NREP: variants seen among roughly 807,000 people sequenced by gnomAD.
NREP encodes neuronal regeneration related protein.
In NREP, 5 loss-of-function variants were observed where a neutral mutation model predicts 8.6. The observed-to-expected ratio is 0.58, with a 90% CI of 0.30 to 1.22. The LOEUF (loss-of-function observed/expected upper bound fraction) is 1.22, where lower values mean the gene tolerates loss of function less well. Ranked by LOEUF, NREP falls within the 50% of genes most tolerant of loss-of-function variation. The pLI is 0.07. For synonymous variants in NREP, 27 were observed against 28.0 expected, an observed-to-expected ratio of 0.96 and a Z score of 0.11; for missense variants, 86 against 82.5, an observed-to-expected ratio of 1.04 and a Z score of -0.17.
At chr5:111,913,617 G>A (rs1422607404) in intron 2 of NREP, among the ~76,000 whole-genome samples, 1 of 152,062 alleles carries the variant, frequency 6.6e-6, no homozygotes, top group East Asian at 1.9e-4. Flanking sequence ...AAAGATAAAA[G>A]GAGGAACTAA....
chr5:111,929,133 G>A (rs1252725019), intron 2 of NREP, among the ~76,000 whole-genome samples: 1 of 152,020 alleles, frequency 6.6e-6, no homozygotes, highest in Non-Finnish European at 1.5e-5. Flanking sequence ...GGTACTAATA[G>A]TTTAGATTAC....
intron 2 of NREP, among the ~76,000 whole-genome samples, chr5:111,839,547 C>T (rs1434750108): frequency 5.9e-5 from 9 of 152,128 alleles, no homozygotes; most frequent in East Asian, 1.9e-4. Flanking sequence ...ACTAAAATGA[C>T]GTATTTTTCT....
intron 2 of NREP, among the ~76,000 whole-genome samples, chr5:111,935,143 T>C (rs1361445206): frequency 6.6e-6 from 1 of 152,056 alleles, no homozygotes; most frequent in Non-Finnish European, 1.5e-5. Flanking sequence ...TTCCCCACTG[T>C]CTCCTTTGAT....
intron 2 of NREP, among the ~76,000 whole-genome samples, chr5:111,890,304 C>T (rs1470292760): frequency 6.6e-6 from 1 of 152,240 alleles, no homozygotes; most frequent in African/African-American, 2.4e-5. Flanking sequence ...TTGGGCAGCT[C>T]TGCCCCTATG....
intron 2 of NREP, among the ~76,000 whole-genome samples, chr5:111,753,214 C>T (rs1750476238): frequency 6.6e-6 from 1 of 151,620 alleles, no homozygotes; most frequent in African/African-American, 2.4e-5. Context: ...AGTTGCACAA[C>T]CCTAGGTGCC....
intron 2 of NREP, among the ~76,000 whole-genome samples, chr5:111,910,878 T>C (rs988590827): frequency 3.3e-5 from 5 of 152,236 alleles, no homozygotes; most frequent in Middle Eastern, 3.4e-3. Flanking sequence ...ATAGCTGCTA[T>C]TGTGACTCCT....
intron 2 of NREP, among the ~76,000 whole-genome samples, chr5:111,754,273 A>C (rs1249151798): frequency 6.6e-6 from 1 of 152,202 alleles, no homozygotes; most frequent in African/African-American, 2.4e-5. Flanking sequence ...ACCTTCTACA[A>C]AGCTCATTCT....
chr5:111,817,642 A>C (rs1053627817), intron 2 of NREP, among the ~76,000 whole-genome samples: 27 of 151,852 alleles, frequency 1.8e-4, no homozygotes, highest in African/African-American at 6.5e-4. Context: ...CGTCTCTACT[A>C]AAAATACAAA....
intron 2 of NREP, among the ~76,000 whole-genome samples, chr5:111,946,604 A>G (rs1755991723): frequency 6.6e-6 from 1 of 151,974 alleles, no homozygotes; most frequent in African/African-American, 2.4e-5. Flanking sequence ...AGTCACATGT[A>G]AAGAAAGCCC....
chr5:111,808,822 T>G (rs1433548096), intron 2 of NREP, among the ~76,000 whole-genome samples: 2 of 152,242 alleles, frequency 1.3e-5, no homozygotes, highest in Non-Finnish European at 2.9e-5. Flanking sequence ...TCTACCAGAA[T>G]GTAAGCTCCA....
chr5:111,738,981 C>T (rs986759176), intron 2 of NREP: 4 of 152,372 alleles, frequency 2.6e-5, no homozygotes, highest in East Asian at 1.9e-4. Context: ...TCAGAAGAAA[C>T]CAACCCTGCC....
intron 2 of NREP, among the ~76,000 whole-genome samples, chr5:111,860,924 G>C (rs754005280): frequency 2.6e-5 from 4 of 152,112 alleles, no homozygotes; most frequent in Non-Finnish European, 5.9e-5. Flanking sequence ...CTCTGGAAGT[G>C]GGATAAAGAT....
chr5:111,783,039 G>A (rs369354360), intron 2 of NREP, among the ~76,000 whole-genome samples: 1 of 152,040 alleles, frequency 6.6e-6, no homozygotes, highest in Non-Finnish European at 1.5e-5. Flanking sequence ...GGCCCCACAC[G>A]ACATTTTTTA....
intron 2 of NREP, among the ~76,000 whole-genome samples, chr5:111,944,931 C>T (rs1755934429): frequency 6.6e-6 from 1 of 152,050 alleles, no homozygotes; most frequent in Non-Finnish European, 1.5e-5. Flanking sequence ...CTTAAAACCT[C>T]AGAATCATCT....
At chr5:111,954,476 G>T (rs1284065684) in intron 2 of NREP, among the ~76,000 whole-genome samples, 1 of 152,120 alleles carries the variant, frequency 6.6e-6, no homozygotes, top group African/African-American at 2.4e-5. Context: ...TCCAAAAATT[G>T]TTAAAGAGTG....
intron 2 of NREP, among the ~76,000 whole-genome samples, chr5:111,883,833 G>A (rs1754154459): frequency 6.6e-6 from 1 of 152,044 alleles, no homozygotes; most frequent in African/African-American, 2.4e-5. Context: ...AGTGTGTAGA[G>A]GGAAATTTAT....
At chr5:111,747,222 T>TA (rs1384788318) in intron 2 of NREP, among the ~76,000 whole-genome samples, 3 of 152,228 alleles carry the variant, frequency 2.0e-5, no homozygotes, top group Non-Finnish European at 4.4e-5. Flanking sequence ...TTTCCCTTGA[T>TA]AGTCTGAAAG....
chr5:111,901,449 T>C (rs938407337), intron 2 of NREP, among the ~76,000 whole-genome samples: 7 of 152,048 alleles, frequency 4.6e-5, no homozygotes, highest in Admixed American at 3.9e-4. Flanking sequence ...AGCACTCTTA[T>C]TCAACACAGT....
At chr5:111,867,858 T>C (rs1278772124) in intron 2 of NREP, among the ~76,000 whole-genome samples, 1 of 152,144 alleles carries the variant, frequency 6.6e-6, no homozygotes, top group Non-Finnish European at 1.5e-5. Flanking sequence ...ATTACCATTT[T>C]AACCAGTTCA....
Sources: gnomAD v4.1 joint callset for allele counts (sites outside exome capture counted in the v4.1 genomes callset) on GRCh38, gnomAD v4.1.1 for gene constraint, MANE v1.5 for transcripts, NCBI Gene and HGNC (gene_info 2026-07-23, HGNC 2026-07-21) for gene names.